ZEB1: variants seen among roughly 807,000 people sequenced by gnomAD.
ZEB1 encodes zinc finger E-box binding homeobox 1.
Under a neutral mutation model 84.9 loss-of-function variants are expected in ZEB1, and 21 were observed. The ratio of observed to expected loss-of-function variants is 0.25; its 90% CI spans 0.18 to 0.36. ZEB1 has a LOEUF of 0.36. Ranked by LOEUF, ZEB1 falls within the 10% of genes least tolerant of loss-of-function variation. The pLI is 1.00. For synonymous variants in ZEB1, 420 were observed against 471.1 expected, an observed-to-expected ratio of 0.89 and a Z score of 1.41; for missense variants, 1,104 against 1,330.2, an observed-to-expected ratio of 0.83 and a Z score of 2.65.
At chr10:31,371,034 T>C (rs1396132315) in intron 1 of ZEB1, among the ~76,000 whole-genome samples, 1 of 152,170 alleles carries the variant, frequency 6.6e-6, no homozygotes, top group East Asian at 1.9e-4. Flanking sequence ...GTAAGACTCT[T>C]ATAATGGATG....
At chr10:31,507,816 G>T (rs890217859) in intron 4 of ZEB1, among the ~76,000 whole-genome samples, 56 of 151,640 alleles carry the variant, frequency 3.7e-4, no homozygotes, top group African/African-American at 1.3e-3. Context: ...TCATTTTCCA[G>T]GATTTCATAA....
intron 4 of ZEB1, among the ~76,000 whole-genome samples, chr10:31,507,146 A>G (rs2069121695): frequency 6.6e-6 from 1 of 152,154 alleles, no homozygotes; most frequent in African/African-American, 2.4e-5. Flanking sequence ...AATACTTTGA[A>G]TAAATATATC....
intron 1 of ZEB1, among the ~76,000 whole-genome samples, chr10:31,445,255 A>G (rs1465488766): frequency 1.3e-5 from 2 of 148,938 alleles, no homozygotes; most frequent in Admixed American, 1.3e-4. Context: ...TGATTTTTGT[A>G]CATTGATTTT....
rs551749334 is a variant in ZEB1 at position 31,509,281 on chromosome 10, G to A, written c.485-1392G>A. On this transcript the variant is annotated intron_variant, in intron 4 of 8. Coordinates refer to ENST00000424869, the MANE Select transcript of ZEB1 (RefSeq NM_001174096.2). Reference sequence around the variant, plus strand: ...TCCCTGTGTTAGTCTCAGAGCCCACGATGGTCCAGGGGTTCTCCCATGGCT... The same window carrying A: ...TCCCTGTGTTAGTCTCAGAGCCCACAATGGTCCAGGGGTTCTCCCATGGCT... Among the ~76,000 whole-genome samples the A allele has an allele frequency of 2.6e-5, 4 of 152,284 alleles. No homozygotes were observed. In the South Asian group the frequency reaches 6.2e-4, roughly 24 times the overall value.
chr10:31,422,455 G>C (rs2056324322), intron 1 of ZEB1, among the ~76,000 whole-genome samples: 3 of 152,042 alleles, frequency 2.0e-5, no homozygotes, highest in Non-Finnish European at 4.4e-5. Context: ...TCTTAAAAGA[G>C]AACTAAGTTA....
At chr10:31,474,361 C>T (rs1029250856) in intron 2 of ZEB1, among the ~76,000 whole-genome samples, 2 of 151,576 alleles carry the variant, frequency 1.3e-5, no homozygotes, top group Non-Finnish European at 2.9e-5. Flanking sequence ...AACAAATTTA[C>T]AAGAAAAAAA....
At chr10:31,363,380 T>C (rs1464965433) in intron 1 of ZEB1, 3 of 1,534,480 alleles carry the variant, frequency 2.0e-6, no homozygotes, top group Non-Finnish European at 1.7e-6. Flanking sequence ...ACCTGGGCCT[T>C]GTCAGTCTGA....
intron 1 of ZEB1, among the ~76,000 whole-genome samples, chr10:31,430,939 C>G (rs2136247024): frequency 6.6e-6 from 1 of 152,290 alleles, no homozygotes; most frequent in East Asian, 1.9e-4. Context: ...TATGATTCAA[C>G]TTACAGTATA....
intron 1 of ZEB1, among the ~76,000 whole-genome samples, chr10:31,324,597 C>T (rs954187027): frequency 6.6e-6 from 1 of 151,954 alleles, no homozygotes; most frequent in Non-Finnish European, 1.5e-5. Context: ...GGTTAGAAAA[C>T]TTGAAGCTGT....
chr10:31,430,899 T>C (rs2057631932), intron 1 of ZEB1, among the ~76,000 whole-genome samples: 1 of 152,242 alleles, frequency 6.6e-6, no homozygotes, highest in Non-Finnish European at 1.5e-5. Flanking sequence ...GCAGTTATTT[T>C]TACTTACTTT....
rs77779466 is a variant in ZEB1, at chr10:31,362,962, A to G, written c.58+43670A>G. On this transcript the variant is annotated intron_variant, in intron 1 of 8. Coordinates refer to ENST00000424869, the MANE Select transcript of ZEB1 (RefSeq NM_001174096.2). ...TCTTTGGGAAGCCTGACCCACCAAC[A>G]GTGCCTCAGGAGATAGACATGGAAG... 3.1e-3 allele frequency: 4,785 copies of G among 1,533,864 alleles called. 112 individuals carry two copies. In the African/African-American group the frequency reaches 0.055, roughly 18 times the overall value.
In ZEB1 at chr10:31,382,902, TAAAG is replaced by T. The variant is rs769886504; in HGVS notation, c.58+63614_58+63617del. On this transcript the variant is annotated intron_variant, in intron 1 of 8. Transcript: ENST00000424869. ...TATGAAAGTAAAGACACATGAATAA[TAAAG>T]AAATATGAGGTTTTTTTCATTGTAT... Among the ~76,000 whole-genome samples the T allele has an allele frequency of 1.1e-4, 17 of 152,078 alleles. No individual in the cohort carries two copies. In the East Asian group the frequency reaches 1.9e-3, roughly 17 times the overall value.
At chr10:31,377,165 A>G (rs1310722681) in intron 1 of ZEB1, among the ~76,000 whole-genome samples, 1 of 149,796 alleles carries the variant, frequency 6.7e-6, no homozygotes, top group African/African-American at 2.5e-5. Context: ...TTTCAGTACT[A>G]CAAGTATGGT....
intron 6 of ZEB1, among the ~76,000 whole-genome samples, chr10:31,517,525 A>C (rs549792640): frequency 1.7e-4 from 26 of 151,852 alleles, no homozygotes; most frequent in Middle Eastern, 3.4e-3. Context: ...GTCAGTATAC[A>C]TAGTATACCG....
At chr10:31,501,629 C>G (rs888230097) in intron 3 of ZEB1, among the ~76,000 whole-genome samples, 4 of 152,012 alleles carry the variant, frequency 2.6e-5, no homozygotes, top group African/African-American at 2.4e-5. Context: ...GCTCCCCCCC[C>G]CATTATCTGT....
intron 1 of ZEB1, among the ~76,000 whole-genome samples, chr10:31,442,340 T>C (rs1190838583): frequency 6.6e-6 from 1 of 151,794 alleles, no homozygotes; most frequent in Non-Finnish European, 1.5e-5. Flanking sequence ...TTCTCACTCT[T>C]AGGTGGGAAT....
intron 2 of ZEB1, among the ~76,000 whole-genome samples, chr10:31,494,631 C>T (rs1243691186): frequency 2.0e-5 from 3 of 151,872 alleles, no homozygotes; most frequent in Non-Finnish European, 2.9e-5. Context: ...TACACTATTT[C>T]GGTGTGACTG....
chr10:31,330,083 G>A (rs1340371252), intron 1 of ZEB1, among the ~76,000 whole-genome samples: 1 of 152,052 alleles, frequency 6.6e-6, no homozygotes, highest in Non-Finnish European at 1.5e-5. Context: ...TTTAAGCTTT[G>A]TGTCCTTTCT....
rs3086583 is a variant in ZEB1 at position 31,527,412 on chromosome 10, A to AACACAC, written c.*184_*189dup. 3,218 of 515,298 alleles carry AACACAC rather than the reference A, an allele frequency of 6.2e-3. 18 individuals carry two copies. Among genetic ancestry groups the AACACAC allele is most frequent in the East Asian group, 0.028 (702 of 25,226 alleles). 31.9% of individuals were successfully genotyped at this position (515,298 alleles called of 1,614,324 possible). ...AAAACTAAAAAAATACAAAATACAA[A>AACACAC]ACACACACACACACACACACACACA... On this transcript the variant is annotated 3_prime_UTR_variant, in exon 9 of 9. Coordinates refer to ENST00000424869, the MANE Select transcript of ZEB1 (RefSeq NM_001174096.2).
Sources: allele counts gnomAD v4.1 joint callset (sites outside exome capture counted in the v4.1 genomes callset), GRCh38; gene constraint gnomAD v4.1.1; transcripts MANE v1.5; gene names NCBI Gene and HGNC (gene_info 2026-07-23, HGNC 2026-07-21).